Variants in RCOR1 observed in about 807,000 individuals in gnomAD.
RCOR1 encodes the protein REST corepressor.
RCOR1 carries 12 observed loss-of-function variants against 64.0 expected under a neutral mutation model. The ratio of observed to expected loss-of-function variants is 0.19; its 90% CI spans 0.12 to 0.30. RCOR1 has a LOEUF of 0.30. Among genes scored for constraint, RCOR1 ranks in the 10% least tolerant of loss-of-function variants. The probability of loss-of-function intolerance (pLI) is 1.00; values close to 1 mark genes in which losing one functional copy is unlikely to be tolerated. For missense variants in RCOR1, 502 were observed against 621.2 expected (o/e 0.81, Z 2.04); for synonymous variants, 279 against 227.2 (o/e 1.23, Z -2.05).
At chr14:102,703,588 A>G (rs1391513313) in intron 4 of RCOR1, among the ~76,000 whole-genome samples, 1 of 152,236 alleles carries the variant, frequency 6.6e-6, no homozygotes, top group Non-Finnish European at 1.5e-5. Flanking sequence ...GTCAACTAAG[A>G]ATTCTATATC....
intron 3 of RCOR1, among the ~76,000 whole-genome samples, chr14:102,686,287 T>A (rs1595230191): frequency 6.6e-6 from 1 of 152,156 alleles, no homozygotes; most frequent in East Asian, 1.9e-4. Context: ...TTTTATATTT[T>A]AGAGACATTT....
intron 3 of RCOR1, among the ~76,000 whole-genome samples, chr14:102,693,814 GTTTCGTCTTT>G: frequency 6.6e-6 from 1 of 152,072 alleles, no homozygotes; most frequent in African/African-American, 2.4e-5. Context: ...TCTGCTTCCT[GTTTCGTCTTT>G]TATCTTTTAT....
intron 2 of RCOR1, among the ~76,000 whole-genome samples, chr14:102,605,039 G>A (rs1893475673): frequency 7.6e-6 from 1 of 131,166 alleles, no homozygotes; most frequent in Non-Finnish European, 1.5e-5. Context: ...CTGCACTCCA[G>A]CCTGGGTGAC....
At chr14:102,667,751 G>T (rs1254798788) in intron 2 of RCOR1, among the ~76,000 whole-genome samples, 1 of 151,900 alleles carries the variant, frequency 6.6e-6, no homozygotes, top group Non-Finnish European at 1.5e-5. Flanking sequence ...GTGTGTGCTC[G>T]AGTGCTAGTA....
chr14:102,623,707 C>T (rs1893922405), intron 2 of RCOR1, among the ~76,000 whole-genome samples: 1 of 151,550 alleles, frequency 6.6e-6, no homozygotes, highest in Non-Finnish European at 1.5e-5. Flanking sequence ...AGCGCCTGGC[C>T]AACTTCCTTA....
At chr14:102,685,466 A>G (rs1380332091) in intron 3 of RCOR1, among the ~76,000 whole-genome samples, 1 of 151,470 alleles carries the variant, frequency 6.6e-6, no homozygotes, top group Non-Finnish European at 1.5e-5. Flanking sequence ...CTAGTTTAAC[A>G]TTAATGAATT....
intron 2 of RCOR1, among the ~76,000 whole-genome samples, chr14:102,664,552 T>C (rs935682175): frequency 8.5e-5 from 13 of 152,194 alleles, no homozygotes; most frequent in African/African-American, 3.1e-4. Flanking sequence ...TAAAGAGAGA[T>C]ACAAGAAGAG....
chr14:102,630,947 T>C (rs1482710314), intron 2 of RCOR1, among the ~76,000 whole-genome samples: 1 of 152,044 alleles, frequency 6.6e-6, no homozygotes, highest in Non-Finnish European at 1.5e-5. Context: ...TTGGTTACTG[T>C]GTAGTCTCAC....
intron 2 of RCOR1, among the ~76,000 whole-genome samples, chr14:102,677,361 G>T (rs1251976436): frequency 1.4e-5 from 2 of 141,956 alleles, no homozygotes; most frequent in Admixed American, 6.7e-5. Context: ...CCTCCCTCCC[G>T]GACGGGGTGG....
chr14:102,645,401 G>A (rs539134622), intron 2 of RCOR1, among the ~76,000 whole-genome samples: 3 of 152,252 alleles, frequency 2.0e-5, no homozygotes, highest in Non-Finnish European at 4.4e-5. Flanking sequence ...AGATCATGGA[G>A]TTTATTAGGT....
intron 2 of RCOR1, among the ~76,000 whole-genome samples, chr14:102,624,743 G>T (rs1893947536): frequency 6.6e-6 from 1 of 151,768 alleles, no homozygotes; most frequent in African/African-American, 2.4e-5. Flanking sequence ...TCCAGCCTGG[G>T]TGATAGGACG....
intron 8 of RCOR1, among the ~76,000 whole-genome samples, chr14:102,719,008 C>T (rs1896123213): frequency 6.6e-6 from 1 of 152,094 alleles, no homozygotes; most frequent in South Asian, 2.1e-4. Flanking sequence ...CCAGGCTGTT[C>T]TTGAACTCCT....
intron 11 of RCOR1, among the ~76,000 whole-genome samples, 191 bp downstream of exon 11, chr14:102,722,607 T>A (rs913686625): frequency 6.6e-6 from 1 of 152,246 alleles, no homozygotes; most frequent in Admixed American, 6.5e-5. Flanking sequence ...ATTATTCACA[T>A]GTTAATTTCT....
At chr14:102,639,194 T>A (rs950576490) in intron 2 of RCOR1, among the ~76,000 whole-genome samples, 1 of 152,132 alleles carries the variant, frequency 6.6e-6, no homozygotes, top group Admixed American at 6.6e-5. Flanking sequence ...ACAGCGTAAT[T>A]TGGAATTAAA....
At chr14:102,672,275 C>G (rs996514201) in intron 2 of RCOR1, among the ~76,000 whole-genome samples, 1 of 151,874 alleles carries the variant, frequency 6.6e-6, no homozygotes, top group Non-Finnish European at 1.5e-5. Context: ...TGCAGTGGTG[C>G]GATCTCGGCT....
chr14:102,642,268 A>T (rs1894385229), intron 2 of RCOR1, among the ~76,000 whole-genome samples: 2 of 152,122 alleles, frequency 1.3e-5, no homozygotes, highest in Admixed American at 6.5e-5. Flanking sequence ...CAAGTGTCTG[A>T]TCTTGATTAG....
chr14:102,647,434 A>G (rs563240188), intron 2 of RCOR1, among the ~76,000 whole-genome samples: 3 of 152,148 alleles, frequency 2.0e-5, no homozygotes, highest in African/African-American at 7.2e-5. Context: ...CTCCTGCCTC[A>G]GCCTCCCAAG....
intron 11 of RCOR1, among the ~76,000 whole-genome samples, chr14:102,725,492 G>A (rs1896241712): frequency 6.6e-6 from 1 of 152,190 alleles, no homozygotes; most frequent in South Asian, 2.1e-4. Flanking sequence ...GGTGCTGAAC[G>A]GGCTGGGTGC....
chr14:102,631,206 C>CT (rs760075418), intron 2 of RCOR1, among the ~76,000 whole-genome samples: 8,756 of 142,070 alleles, frequency 0.062, 832 homozygotes, highest in African/African-American at 0.21. Flanking sequence ...TAGTCCAGAC[C>CT]TTTTTTTTTT....
Sources: allele counts gnomAD v4.1 joint callset (sites outside exome capture counted in the v4.1 genomes callset), GRCh38; gene constraint gnomAD v4.1.1; transcripts MANE v1.5; gene names NCBI Gene and HGNC (gene_info 2026-07-23, HGNC 2026-07-21).